The following KCNIP4 variants were observed in gnomAD, a reference collection of about 807,000 sequenced individuals.
The protein encoded by KCNIP4 is Kv channel-interacting protein 4.
KCNIP4 carries 12 observed loss-of-function variants against 34.0 expected under a neutral mutation model. That is an observed-to-expected ratio of 0.35 (90% CI 0.23 to 0.57). The LOEUF (loss-of-function observed/expected upper bound fraction) is 0.57, where lower values mean the gene tolerates loss of function less well. Among genes scored for constraint, KCNIP4 ranks in the 20% least tolerant of loss-of-function variants. The pLI is 0.83. For missense variants in KCNIP4, 238 were observed against 311.7 expected (o/e 0.76, Z 1.78); for synonymous variants, 124 against 102.2 (o/e 1.21, Z -1.29).
intron 1 of KCNIP4, among the ~76,000 whole-genome samples, chr4:21,773,750 T>A: frequency 1.2e-5 from 1 of 81,452 alleles, no homozygotes; most frequent in Admixed American, 9.8e-5. Flanking sequence ...TTGTTGTTTT[T>A]TTTTTTTTGT....
At chr4:20,733,412 C>T (rs550456532) in intron 6 of KCNIP4, among the ~76,000 whole-genome samples, 104 of 152,228 alleles carry the variant, frequency 6.8e-4, no homozygotes, top group Non-Finnish European at 1.3e-3. Context: ...TAAAAATAAT[C>T]TCTAATAACT....
At chr4:21,412,110 GT>G (rs1724559276) in intron 1 of KCNIP4, among the ~76,000 whole-genome samples, 1 of 152,160 alleles carries the variant, frequency 6.6e-6, no homozygotes, top group Non-Finnish European at 1.5e-5. Context: ...AGAAAATGAA[GT>G]GTAAGAGAAA....
intron 1 of KCNIP4, among the ~76,000 whole-genome samples, chr4:21,519,755 GTATGTA>G (rs1735322949): frequency 7.8e-6 from 1 of 128,922 alleles, no homozygotes; most frequent in South Asian, 2.4e-4. Flanking sequence ...ACACGTGTGT[GTATGTA>G]TGTGTGTATA....
At chr4:21,363,603 T>A (rs1719442344) in intron 1 of KCNIP4, among the ~76,000 whole-genome samples, 1 of 152,168 alleles carries the variant, frequency 6.6e-6, no homozygotes, top group African/African-American at 2.4e-5. Context: ...AAATTCTCAG[T>A]GGCAAGCTGG....
chr4:21,756,470 C>T (rs1717534125), intron 1 of KCNIP4, among the ~76,000 whole-genome samples: 1 of 151,208 alleles, frequency 6.6e-6, no homozygotes, highest in Non-Finnish European at 1.5e-5. Flanking sequence ...ACGAGAATTG[C>T]TTGAACCCAG....
chr4:21,145,916 G>A (rs1182078021), intron 1 of KCNIP4, among the ~76,000 whole-genome samples: 3 of 152,262 alleles, frequency 2.0e-5, no homozygotes, highest in Admixed American at 6.5e-5. Context: ...CTGCAAATTT[G>A]CCTGCATATT....
intron 1 of KCNIP4, among the ~76,000 whole-genome samples, chr4:21,076,819 T>C (rs991037308): frequency 6.6e-6 from 1 of 152,098 alleles, no homozygotes; most frequent in Non-Finnish European, 1.5e-5. Flanking sequence ...ACCGAGTAGA[T>C]TGCTTAAAAA....
At chr4:21,118,441 A>T (rs887659177) in intron 1 of KCNIP4, among the ~76,000 whole-genome samples, 11 of 152,170 alleles carry the variant, frequency 7.2e-5, no homozygotes, top group Non-Finnish European at 1.6e-4. Flanking sequence ...ACCTGCCCTC[A>T]GCTTCCCTGT....
intron 1 of KCNIP4, among the ~76,000 whole-genome samples, chr4:21,819,724 T>C (rs1305044490): frequency 6.6e-6 from 1 of 152,058 alleles, no homozygotes; most frequent in Non-Finnish European, 1.5e-5. Context: ...TGCTGTGGGG[T>C]AAGGGAGAGA....
intron 1 of KCNIP4, among the ~76,000 whole-genome samples, chr4:21,525,505 A>G (rs190648633): frequency 1.5e-3 from 229 of 152,298 alleles, no homozygotes; most frequent in African/African-American, 5.2e-3. Flanking sequence ...AAAAATATTT[A>G]AAAAATGACA....
intron 1 of KCNIP4, among the ~76,000 whole-genome samples, chr4:21,809,884 G>A (rs1292337523): frequency 6.6e-6 from 1 of 152,168 alleles, no homozygotes; most frequent in Non-Finnish European, 1.5e-5. Context: ...TGAGACCAGG[G>A]TCCTGCCTGT....
At chr4:21,130,184 T>C (rs993316902) in intron 1 of KCNIP4, among the ~76,000 whole-genome samples, 3 of 152,156 alleles carry the variant, frequency 2.0e-5, no homozygotes, top group Non-Finnish European at 4.4e-5. Flanking sequence ...TTAGTCTTGA[T>C]GCTACATTAG....
At chr4:21,904,622 A>G (rs1463284284) in intron 1 of KCNIP4, among the ~76,000 whole-genome samples, 1 of 152,226 alleles carries the variant, frequency 6.6e-6, no homozygotes, top group Non-Finnish European at 1.5e-5. Context: ...GAAGACATAA[A>G]CTTTCTAAGT....
intron 3 of KCNIP4, among the ~76,000 whole-genome samples, chr4:20,804,187 A>G (rs549540434): frequency 1.7e-4 from 26 of 152,312 alleles, no homozygotes; most frequent in East Asian, 7.7e-4. Flanking sequence ...TGGTAAGTGC[A>G]TCAGATAGGT....
At chr4:21,736,726 AT>A (rs1455406005) in intron 1 of KCNIP4, among the ~76,000 whole-genome samples, 1 of 152,182 alleles carries the variant, frequency 6.6e-6, no homozygotes, top group African/African-American at 2.4e-5. Flanking sequence ...GACAGCAAGA[AT>A]CCTATGACAT....
chr4:21,244,190 C>A (rs1760041154), intron 1 of KCNIP4, among the ~76,000 whole-genome samples: 1 of 152,016 alleles, frequency 6.6e-6, no homozygotes, highest in Non-Finnish European at 1.5e-5. Context: ...AATTTTGATA[C>A]CTGTATAAAA....
At chr4:21,632,035 C>T (rs1434720405) in intron 1 of KCNIP4, among the ~76,000 whole-genome samples, 2 of 152,172 alleles carry the variant, frequency 1.3e-5, no homozygotes, top group East Asian at 3.9e-4. Flanking sequence ...AGGAAACTCC[C>T]TCAGCTTTTA....
chr4:20,815,996 C>A (rs531687270), intron 3 of KCNIP4, among the ~76,000 whole-genome samples: 1 of 152,086 alleles, frequency 6.6e-6, no homozygotes, highest in Non-Finnish European at 1.5e-5. Flanking sequence ...TGTCTGTAAT[C>A]CCAGCACTTT....
At chr4:21,757,977 A>G (rs1717777278) in intron 1 of KCNIP4, among the ~76,000 whole-genome samples, 1 of 152,188 alleles carries the variant, frequency 6.6e-6, no homozygotes, top group Non-Finnish European at 1.5e-5. Context: ...TGACCTTAGT[A>G]TGCCTTATTT....
Sources: gnomAD v4.1 joint callset for allele counts (sites outside exome capture counted in the v4.1 genomes callset) on GRCh38, gnomAD v4.1.1 for gene constraint, MANE v1.5 for transcripts, NCBI Gene and HGNC (gene_info 2026-07-23, HGNC 2026-07-21) for gene names.